Variants in AXIN1 observed in about 807,000 individuals in gnomAD.
AXIN1 encodes axin 1.
In AXIN1, 30 loss-of-function variants were observed where a neutral mutation model predicts 76.4. The ratio of observed to expected loss-of-function variants is 0.39; its 90% CI spans 0.29 to 0.53. The LOEUF is 0.53. Ranked by LOEUF, AXIN1 falls within the 20% of genes least tolerant of loss-of-function variation. The pLI is 0.66. For synonymous variants in AXIN1, 545 were observed against 501.4 expected (o/e 1.09, Z -1.16); for missense variants, 1,140 against 1,198.8 (o/e 0.95, Z 0.72).
intron 2 of AXIN1, among the ~76,000 whole-genome samples, chr16:324,437 T>G (rs976339070): frequency 6.6e-6 from 1 of 151,988 alleles, no homozygotes; most frequent in Admixed American, 6.5e-5. Context: ...AGGCCCGCGG[T>G]CCTCCGGGGA....
intron 2 of AXIN1, among the ~76,000 whole-genome samples, chr16:326,394 T>TATATATATATAC (rs144093618): frequency 8.4e-6 from 1 of 119,658 alleles, no homozygotes; most frequent in Non-Finnish European, 1.7e-5. Context: ...TATATATATA[T>TATATATATATAC]ACACACCTAT....
rs1295858061 is a variant in AXIN1 at position 288,239 on chromosome 16, G to A, written c.2472C>T (p.Phe824=). 7 of 1,613,510 alleles carry A rather than the reference G, an allele frequency of 4.3e-6. No homozygotes were observed. The highest frequency in any genetic ancestry group is 5.9e-6 in the Non-Finnish European group (7 of 1,180,016). ...LTKKGSYRYY[F]KKVSDEFDCG... is the part of the protein sequence containing the mutation. ...AGTCAAACTCGTCGCTCACTTTCTT[G>A]AAGTAGTATCTGCAGGACGGAGGTG... is the stretch of plus-strand genomic sequence containing the variant. The change falls in exon 11 of 11, where the codon TTC becomes TTT. Residue 824 remains phenylalanine, a synonymous_variant. Coordinates refer to ENST00000262320, the MANE Select transcript of AXIN1 (RefSeq NM_003502.4).
intron 5 of AXIN1, among the ~76,000 whole-genome samples, 166 bp from the exon 6 acceptor site, chr16:298,417 C>G (rs149191018): frequency 1.3e-5 from 2 of 152,232 alleles, no homozygotes; most frequent in South Asian, 4.1e-4. Context: ...AGAGGCAGGA[C>G]GGGGCATAGA....
At chr16:344,709 G>C (rs575437555) in intron 2 of AXIN1, among the ~76,000 whole-genome samples, 1 of 152,034 alleles carries the variant, frequency 6.6e-6, no homozygotes, top group Non-Finnish European at 1.5e-5. Context: ...GGATGGTCTC[G>C]AACTCCCGAC....
chr16:317,081 C>T (rs2053320054), intron 2 of AXIN1, among the ~76,000 whole-genome samples: 1 of 152,170 alleles, frequency 6.6e-6, no homozygotes, highest in Non-Finnish European at 1.5e-5. Flanking sequence ...AGGGAGGGAC[C>T]AGCGCAGCTT....
intron 4 of AXIN1, among the ~76,000 whole-genome samples, chr16:307,497 A>C (rs1373594465): frequency 6.6e-6 from 1 of 152,196 alleles, no homozygotes; most frequent in Non-Finnish European, 1.5e-5. Context: ...AGATGCTGTA[A>C]AGCCACGGCC....
chr16:302,003 T>C (rs770815568), intron 5 of AXIN1, among the ~76,000 whole-genome samples: 6 of 152,186 alleles, frequency 3.9e-5, no homozygotes, highest in Non-Finnish European at 8.8e-5. Context: ...CTGTTCCCAA[T>C]GTTTGGTTTT....
At position 288,042 on chromosome 16, in the gene AXIN1, A is replaced by G. The variant is rs2052433787; in HGVS notation, c.*80T>C. On this transcript the variant is annotated 3_prime_UTR_variant, in exon 11 of 11. Coordinates refer to ENST00000262320, the MANE Select transcript of AXIN1 (RefSeq NM_003502.4). ...AACACTGTTCCCCATCGGGCTCCTG[A>G]GTACGAGGTCATCTGCCTGGCCGTG... The G allele has an allele frequency of 1.2e-6, 2 of 1,605,692 alleles. No homozygotes were observed. Among genetic ancestry groups the G allele is most frequent in the Middle Eastern group, 1.7e-4 (1 of 6,020 alleles).
chr16:291,516 C>A (rs1354161090), intron 8 of AXIN1: 4 of 602,810 alleles, frequency 6.6e-6, no homozygotes, highest in African/African-American at 3.7e-5. Flanking sequence ...CATTCATGAT[C>A]CCGGCACCAA....
intron 2 of AXIN1, among the ~76,000 whole-genome samples, chr16:329,880 G>A (rs185526808): frequency 5.8e-4 from 87 of 150,086 alleles, no homozygotes; most frequent in South Asian, 1.7e-3. Context: ...TGATCCACCC[G>A]CCTCAGCCTC....
At chr16:299,674 G>C (rs917153937) in intron 5 of AXIN1, among the ~76,000 whole-genome samples, 1 of 118,540 alleles carries the variant, frequency 8.4e-6, no homozygotes, top group Non-Finnish European at 1.8e-5. Context: ...TCATTTTTTT[G>C]AGACAGAGTC....
chr16:293,731 G>A lies in AXIN1; in HGVS notation c.1956-13C>T, dbSNP rs1254769987. 2 of 1,612,450 alleles carry A rather than the reference G, an allele frequency of 1.2e-6. No individual in the cohort carries two copies. Among genetic ancestry groups the A allele is most frequent in the Non-Finnish European group, 1.7e-6 (2 of 1,179,472 alleles). On this transcript the variant is annotated splice_polypyrimidine_tract_variant and intron_variant, in intron 7 of 10. Coordinates refer to ENST00000262320, the MANE Select transcript of AXIN1 (RefSeq NM_003502.4). The surrounding 1 kb of genome is among the most constrained non-coding windows in gnomAD (Gnocchi z 4.6). ...CGTCCCCGAAGACCTTGGGGAACAA[G>A]AGAACAAGTTGTGACTGTGGCCGAC... is the stretch of plus-strand genomic sequence containing the variant.
At chr16:349,794 GTTGTT>G (rs1342745836) in intron 1 of AXIN1, among the ~76,000 whole-genome samples, 1 of 152,182 alleles carries the variant, frequency 6.6e-6, no homozygotes, top group African/African-American at 2.4e-5. Context: ...AATGGGTTTT[GTTGTT>G]TTGTTTTTTG....
At chr16:327,066 T>C (rs74948491) in intron 2 of AXIN1, among the ~76,000 whole-genome samples, 1 of 151,550 alleles carries the variant, frequency 6.6e-6, no homozygotes, top group Non-Finnish European at 1.5e-5. Flanking sequence ...GGCATGAACC[T>C]GGGAGGTGGA....
intron 2 of AXIN1, among the ~76,000 whole-genome samples, chr16:340,422 G>A (rs761597845): frequency 3.2e-4 from 49 of 152,226 alleles, no homozygotes; most frequent in Non-Finnish European, 6.6e-4. Context: ...GGCCAGCGGC[G>A]AGGAGACTGC....
intron 2 of AXIN1, among the ~76,000 whole-genome samples, chr16:330,011 C>T (rs535881772): frequency 6.6e-6 from 1 of 152,016 alleles, no homozygotes; most frequent in Non-Finnish European, 1.5e-5. Flanking sequence ...CGTGATCCTC[C>T]CGCCTCGACC....
chr16:310,550 C>G (rs1468909850), intron 3 of AXIN1, among the ~76,000 whole-genome samples: 1 of 152,220 alleles, frequency 6.6e-6, no homozygotes, highest in African/African-American at 2.4e-5. Context: ...GTGCCCGCCA[C>G]CACGCCCAGC....
At chr16:344,664 T>C (rs1232598985) in intron 2 of AXIN1, among the ~76,000 whole-genome samples, 1 of 151,922 alleles carries the variant, frequency 6.6e-6, no homozygotes, top group Non-Finnish European at 1.5e-5. Flanking sequence ...AATTTTTGTA[T>C]TTTTAGTAGA....
chr16:336,404 C>T (rs1318134419), intron 2 of AXIN1, among the ~76,000 whole-genome samples: 1 of 152,148 alleles, frequency 6.6e-6, no homozygotes, highest in Admixed American at 6.5e-5. Context: ...AGGACCGAAC[C>T]GTGTCGCCCA....
Sources: allele counts gnomAD v4.1 joint callset (sites outside exome capture counted in the v4.1 genomes callset), GRCh38; gene constraint gnomAD v4.1.1; non-coding constraint Gnocchi (gnomAD v3.1); transcripts MANE v1.5; gene names NCBI Gene and HGNC (gene_info 2026-07-23, HGNC 2026-07-21).